The following PTBP2 variants were observed in gnomAD, a reference collection of about 807,000 sequenced individuals.
PTBP2 encodes polypyrimidine tract-binding protein 2.
In PTBP2, 13 loss-of-function variants were observed where a neutral mutation model predicts 61.4. That is an observed-to-expected ratio of 0.21 (90% confidence interval 0.14 to 0.34). The LOEUF (loss-of-function observed/expected upper bound fraction) is 0.34. Ranked by LOEUF, PTBP2 falls within the 10% of genes least tolerant of loss-of-function variation. The pLI, the probability that PTBP2 is intolerant of heterozygous loss-of-function variation, is 1.00. For missense variants in PTBP2, 405 were observed against 642.6 expected (o/e 0.63, Z 4.00); for synonymous variants, 215 against 218.5 (o/e 0.98, Z 0.14).
intron 2 of PTBP2, among the ~76,000 whole-genome samples, chr1:96,732,138 T>C (rs1570707206): frequency 1.3e-5 from 2 of 152,322 alleles, no homozygotes; most frequent in East Asian, 3.9e-4. Context: ...TGTAAATTGC[T>C]GAACTCACAA....
In PTBP2 at chr1:96,777,769, T is replaced by C. The variant is rs1421502621; in HGVS notation, c.597+20T>C. ...CACCAAGTAAGTTTAATCTGCATAA[T>C]TACCTATAAATTAGAGAAATAATAA... On this transcript the variant is annotated intron_variant, in intron 6 of 13. Coordinates refer to ENST00000674951, the MANE Select transcript of PTBP2 (RefSeq NM_021190.4). The C allele has an allele frequency of 3.8e-6, 6 of 1,567,720 alleles. No homozygotes were observed. The South Asian group carries it at 6.0e-5, about 16-fold the overall frequency.
At chr1:96,812,552 A>G (rs555200890) in intron 11 of PTBP2, among the ~76,000 whole-genome samples, 160 bp from the exon 12 acceptor site, 2 of 152,326 alleles carry the variant, frequency 1.3e-5, no homozygotes, top group South Asian at 2.1e-4. Flanking sequence ...TCTAGTTCAA[A>G]TGAAAATGTA....
intron 2 of PTBP2, among the ~76,000 whole-genome samples, chr1:96,731,576 G>C (rs1210095707): frequency 6.6e-6 from 1 of 151,910 alleles, no homozygotes; most frequent in Non-Finnish European, 1.5e-5. Context: ...TTTAAATTAG[G>C]ATTTTAATAG....
intron 8 of PTBP2, among the ~76,000 whole-genome samples, chr1:96,787,909 C>T (rs951995870): frequency 2.0e-5 from 3 of 152,068 alleles, no homozygotes; most frequent in Admixed American, 2.0e-4. Context: ...TTTTCTTAGA[C>T]TAGATTCCTA....
At chr1:96,740,848 A>G (rs1208598348) in intron 2 of PTBP2, among the ~76,000 whole-genome samples, 1 of 151,990 alleles carries the variant, frequency 6.6e-6, no homozygotes, top group East Asian at 1.9e-4. Flanking sequence ...ATCTTGACAA[A>G]TGAGTTAATA....
At chr1:96,731,307 A>G (rs1026549174) in intron 2 of PTBP2, among the ~76,000 whole-genome samples, 4 of 152,090 alleles carry the variant, frequency 2.6e-5, no homozygotes, top group African/African-American at 9.7e-5. Context: ...GGGAGTGCCT[A>G]TTTTTCCATA....
chr1:96,731,834 CA>C (rs1651461863), intron 2 of PTBP2, among the ~76,000 whole-genome samples: 1 of 151,992 alleles, frequency 6.6e-6, no homozygotes, highest in African/African-American at 2.4e-5. Context: ...TTTGTAATAT[CA>C]GGGGTGTCAT....
At chr1:96,747,849 A>T (rs898984760) in intron 2 of PTBP2, among the ~76,000 whole-genome samples, 2 of 150,824 alleles carry the variant, frequency 1.3e-5, no homozygotes, top group African/African-American at 4.9e-5. Flanking sequence ...CTCCTTGTTT[A>T]AAAAAAAAGT....
At chr1:96,770,896 A>G (rs1482087891) in intron 5 of PTBP2, 45 bp downstream of exon 5, 2 of 1,459,216 alleles carry the variant, frequency 1.4e-6, no homozygotes, top group South Asian at 1.2e-5. Flanking sequence ...AGAACATATT[A>G]TGAATCTCAT....
chr1:96,792,722 GGTAGATAT>G (rs1659984842), intron 8 of PTBP2, among the ~76,000 whole-genome samples: 1 of 151,626 alleles, frequency 6.6e-6, no homozygotes, highest in Non-Finnish European at 1.5e-5. Context: ...GTACAAAACG[GGTAGATAT>G]GTAACATGCA....
intron 8 of PTBP2, among the ~76,000 whole-genome samples, chr1:96,793,444 A>G (rs1570969497): frequency 6.6e-6 from 1 of 151,930 alleles, no homozygotes; most frequent in African/African-American, 2.4e-5. Flanking sequence ...ATCTCTGCTC[A>G]CTGCAAGCTC....
At chr1:96,739,702 C>G (rs1376523344) in intron 2 of PTBP2, among the ~76,000 whole-genome samples, 1 of 144,338 alleles carries the variant, frequency 6.9e-6, no homozygotes, top group Non-Finnish European at 1.5e-5. Flanking sequence ...TCTCTGCTCA[C>G]TGCAAGCTCC....
chr1:96,801,580 C>T (rs568815726), intron 8 of PTBP2, among the ~76,000 whole-genome samples: 55 of 152,132 alleles, frequency 3.6e-4, no homozygotes, highest in Non-Finnish European at 6.8e-4. Context: ...TTTGGCCAGG[C>T]GCAGTGGCTC....
intron 2 of PTBP2, among the ~76,000 whole-genome samples, chr1:96,747,898 A>T (rs113050384): frequency 7.3e-5 from 11 of 150,236 alleles, no homozygotes; most frequent in African/African-American, 2.0e-4. Flanking sequence ...TTTTTTTTTT[A>T]AAGTCAGCTT....
intron 7 of PTBP2, among the ~76,000 whole-genome samples, chr1:96,778,465 T>C (rs1039806106): frequency 2.0e-5 from 3 of 152,008 alleles, no homozygotes; most frequent in African/African-American, 7.2e-5. Flanking sequence ...TTGTTACATA[T>C]GGAGGATGTA....
chr1:96,761,958 C>T (rs981968064), intron 3 of PTBP2, among the ~76,000 whole-genome samples: 1 of 151,676 alleles, frequency 6.6e-6, no homozygotes, highest in African/African-American at 2.4e-5. Flanking sequence ...AGCATGCTGC[C>T]TTCAAGCATC....
chr1:96,763,350 C>T (rs999629411), intron 3 of PTBP2, among the ~76,000 whole-genome samples: 4 of 152,090 alleles, frequency 2.6e-5, no homozygotes, highest in African/African-American at 7.2e-5. Flanking sequence ...CCGAGGCTGG[C>T]GGATCACTCG....
At chr1:96,787,026 T>G (rs1659281120) in intron 8 of PTBP2, among the ~76,000 whole-genome samples, 2 of 152,120 alleles carry the variant, frequency 1.3e-5, no homozygotes, top group South Asian at 4.1e-4. Context: ...ATAAAGTCAT[T>G]TTTTTTCTCT....
exon 14 of PTBP2, chr1:96,821,358 T>C (rs970900092): frequency 3.3e-5 from 5 of 152,068 alleles, no homozygotes; most frequent in Non-Finnish European, 7.4e-5. Context: ...TTTAATTTTT[T>C]ATATCTATTT....
Sources: gnomAD v4.1 joint callset for allele counts (sites outside exome capture counted in the v4.1 genomes callset) on GRCh38, gnomAD v4.1.1 for gene constraint, MANE v1.5 for transcripts, NCBI Gene and HGNC (gene_info 2026-07-23, HGNC 2026-07-21) for gene names.